Variants in RNF185 observed in about 807,000 individuals in gnomAD.
The protein encoded by RNF185 is E3 ubiquitin-protein ligase RNF185.
A neutral mutation model predicts 24.9 loss-of-function variants in RNF185; 13 were observed. The observed-to-expected ratio is 0.52, with a 90% CI of 0.34 to 0.83. The LOEUF is 0.83. Among genes scored for constraint, RNF185 ranks in the 40% least tolerant of loss-of-function variants. The probability of loss-of-function intolerance (pLI) is 0.01; values close to 1 mark genes in which losing one functional copy is unlikely to be tolerated. For missense variants in RNF185, 184 were observed against 244.7 expected, an observed-to-expected ratio of 0.75 and a Z score of 1.65; for synonymous variants, 79 against 90.3, an observed-to-expected ratio of 0.88 and a Z score of 0.71.
chr22:31,162,007 G>A (rs1231304435), intron 1 of RNF185, among the ~76,000 whole-genome samples: 1 of 151,814 alleles, frequency 6.6e-6, no homozygotes, highest in Non-Finnish European at 1.5e-5. Flanking sequence ...TCAGGTGTAA[G>A]CCACTGTGCC....
At chr22:31,180,386 AC>A (rs564891622) in intron 1 of RNF185, among the ~76,000 whole-genome samples, 2 of 151,382 alleles carry the variant, frequency 1.3e-5, no homozygotes, top group Admixed American at 1.3e-4. Flanking sequence ...AATTGCTTGA[AC>A]CCGGGAGGTG....
intron 3 of RNF185, among the ~76,000 whole-genome samples, chr22:31,194,294 A>G (rs1043270790): frequency 6.6e-6 from 1 of 152,200 alleles, no homozygotes; most frequent in African/African-American, 2.4e-5. Context: ...CAAAAAATCA[A>G]TGAAAGTACA....
chr22:31,199,513 G>A (rs1299767441), intron 5 of RNF185, among the ~76,000 whole-genome samples: 4 of 152,236 alleles, frequency 2.6e-5, no homozygotes, highest in Admixed American at 2.6e-4. Flanking sequence ...ATAAGCACCT[G>A]CAGCTACTAG....
chr22:31,204,404 T>A, intron 6 of RNF185, 85 bp from the exon 7 acceptor site: 1 of 806,638 alleles, frequency 1.2e-6, no homozygotes, highest in South Asian at 1.3e-5. Context: ...AGATAAAGAT[T>A]GATGCTGTCA....
At chr22:31,199,930 T>C (rs1228791233) in intron 5 of RNF185, among the ~76,000 whole-genome samples, 2 of 152,338 alleles carry the variant, frequency 1.3e-5, no homozygotes, top group Admixed American at 6.5e-5. Flanking sequence ...ATGAAGGCCA[T>C]TGAGCTCTTT....
chr22:31,195,315 G>C (rs971989913), intron 3 of RNF185, among the ~76,000 whole-genome samples, 154 bp from the exon 4 acceptor site: 1 of 152,186 alleles, frequency 6.6e-6, no homozygotes, highest in African/African-American at 2.4e-5. Flanking sequence ...TGAATGGTAG[G>C]AGAAGGAATG....
chr22:31,180,911 CTCTCTGTGTGTGTGTGTGTG>C (rs771790624), intron 1 of RNF185, among the ~76,000 whole-genome samples: 3 of 124,442 alleles, frequency 2.4e-5, no homozygotes, highest in Non-Finnish European at 3.5e-5. Context: ...TTTTCTCTCT[CTCTCTGTGTGTGTGTGTGTG>C]TGTGTGTGTG....
At chr22:31,173,382 G>A (rs1021231138) in intron 1 of RNF185, among the ~76,000 whole-genome samples, 5 of 147,560 alleles carry the variant, frequency 3.4e-5, no homozygotes, top group Non-Finnish European at 7.4e-5. Context: ...TTGCTCCTGG[G>A]CATCAGATCT....
At chr22:31,164,380 G>A (rs1433569499) in intron 1 of RNF185, among the ~76,000 whole-genome samples, 6 of 152,108 alleles carry the variant, frequency 3.9e-5, no homozygotes, top group African/African-American at 9.7e-5. Flanking sequence ...TGTCAAAACT[G>A]TACATAATTA....
intron 2 of RNF185, among the ~76,000 whole-genome samples, chr22:31,190,623 G>A (rs1602838552): frequency 1.3e-5 from 2 of 149,012 alleles, no homozygotes; most frequent in Admixed American, 6.7e-5. Flanking sequence ...GTCTCACTGC[G>A]TCACCCATGC....
In RNF185 at chr22:31,171,156, C is replaced by CTTACTTATTTAT. The variant is rs149267234; in HGVS notation, c.-49+10856_-49+10857insCTTATTTATTTA. On this transcript the variant is annotated intron_variant, in intron 1 of 6. Transcript: ENST00000326132. ...AGGAACCAGGACCTTCTCTGATTTA[C>CTTACTTATTTAT]TTATTTATTTATTTATTTATTTATT... 6.7e-3 allele frequency among the ~76,000 whole-genome samples: 961 copies of CTTACTTATTTAT among 143,226 alleles called. 15 individuals carry two copies. The highest frequency in any genetic ancestry group is 0.044 in the East Asian group (215 of 4,942). The allele number at this position is 143,226 out of a possible 152,430, so 94.0% of individuals were successfully genotyped here. A position where few individuals can be genotyped will look rare whatever the true frequency, so the allele number is the denominator to read the frequency against.
At chr22:31,174,803 C>T (rs1278027708) in intron 1 of RNF185, among the ~76,000 whole-genome samples, 1 of 152,046 alleles carries the variant, frequency 6.6e-6, no homozygotes, top group Non-Finnish European at 1.5e-5. Flanking sequence ...GGTGTGGTGG[C>T]TCATGCCTGT....
intron 1 of RNF185, among the ~76,000 whole-genome samples, chr22:31,184,128 CTG>C (rs2048071362): frequency 6.6e-6 from 1 of 151,080 alleles, no homozygotes; most frequent in Admixed American, 6.6e-5. Flanking sequence ...GACGGGGCAG[CTG>C]CCGGGCAGAG....
At position 31,204,634 on chromosome 22, in the gene RNF185, T is replaced by C; in HGVS notation, c.*48T>C. On this transcript the variant is annotated 3_prime_UTR_variant, in exon 7 of 7. Transcript: ENST00000326132. ...GTGGCAGGGCTCTGGACTGGTGACG[T>C]GCCACCCCAACTCCTGGTGTTTGGC... is the stretch of plus-strand genomic sequence containing the variant. The C allele has an allele frequency of 7.5e-7, 1 of 1,341,416 alleles. No homozygotes were observed. 83.1% of individuals were successfully genotyped at this position (1,341,416 alleles called of 1,614,324 possible). A position where few individuals can be genotyped will look rare whatever the true frequency, so the allele number is the denominator to read the frequency against.
intron 6 of RNF185, among the ~76,000 whole-genome samples, chr22:31,203,078 A>G (rs2048279047): frequency 6.6e-6 from 1 of 152,180 alleles, no homozygotes; most frequent in African/African-American, 2.4e-5. Flanking sequence ...GCATCCTTCT[A>G]ACCTGGTCGA....
At chr22:31,180,913 CTCTG>C (rs1461602474) in intron 1 of RNF185, among the ~76,000 whole-genome samples, 813 of 60,826 alleles carry the variant, frequency 0.013, no homozygotes, top group African/African-American at 0.04. Flanking sequence ...TTCTCTCTCT[CTCTG>C]TGTGTGTGTG....
At chr22:31,160,665 C>T (rs1048130994) in intron 1 of RNF185, among the ~76,000 whole-genome samples, 9 of 152,128 alleles carry the variant, frequency 5.9e-5, no homozygotes, top group African/African-American at 2.2e-4. Flanking sequence ...GCGCGGTGAA[C>T]AGAGTTGGGC....
intron 2 of RNF185, among the ~76,000 whole-genome samples, chr22:31,189,710 A>G (rs1010171007): frequency 1.3e-5 from 2 of 149,816 alleles, no homozygotes; most frequent in African/African-American, 5.0e-5. Context: ...AGTTCAAGCA[A>G]TTCTCCTGCC....
At chr22:31,161,876 CTTTT>C (rs35063806) in intron 1 of RNF185, among the ~76,000 whole-genome samples, 2 of 127,854 alleles carry the variant, frequency 1.6e-5, no homozygotes, top group Non-Finnish European at 1.6e-5. Context: ...CAAGTTCCAG[CTTTT>C]TTTTTTTTTT....
Sources: allele counts gnomAD v4.1 joint callset (sites outside exome capture counted in the v4.1 genomes callset), GRCh38; gene constraint gnomAD v4.1.1; transcripts MANE v1.5; gene names NCBI Gene and HGNC (gene_info 2026-07-23, HGNC 2026-07-21).